Variants in GNAL observed in about 807,000 individuals in gnomAD.
GNAL encodes the protein guanine nucleotide-binding protein G(olf) subunit alpha.
Under a neutral mutation model 55.1 loss-of-function variants are expected in GNAL, and 18 were observed. The observed-to-expected ratio is 0.33, with a 90% CI of 0.23 to 0.48. GNAL has a LOEUF of 0.48. Among genes scored for constraint, GNAL ranks in the 20% least tolerant of loss-of-function variants. GNAL has a pLI of 0.99. For synonymous variants in GNAL, 253 were observed against 237.0 expected (o/e 1.07, Z -0.62); for missense variants, 412 against 614.1 (o/e 0.67, Z 3.48).
In GNAL at chr18:11,867,158, T is replaced by C; in HGVS notation, c.852-10T>C. On this transcript the variant is annotated splice_polypyrimidine_tract_variant and intron_variant, in intron 7 of 11. Transcript: ENST00000334049. Reference sequence around the variant, plus strand: ...CCCCAAATAATTGTGTTCCTCTTGCTCTTCCACAGCATGTTTGATGTTGGT... The same window carrying C: ...CCCCAAATAATTGTGTTCCTCTTGCCCTTCCACAGCATGTTTGATGTTGGT... 1 of 1,604,146 alleles carries C rather than the reference T, an allele frequency of 6.2e-7. No individual in the cohort carries two copies. The highest frequency in any genetic ancestry group is 1.7e-5 in the Admixed American group (1 of 59,992).
intron 1 of GNAL, among the ~76,000 whole-genome samples, chr18:11,711,987 G>A (rs749900424): frequency 1.2e-4 from 19 of 152,172 alleles, no homozygotes; most frequent in Non-Finnish European, 2.6e-4. Flanking sequence ...TTTTTCAGGA[G>A]CCCATAATCT....
At chr18:11,785,581 A>G (rs2034033766) in intron 4 of GNAL, among the ~76,000 whole-genome samples, 1 of 152,226 alleles carries the variant, frequency 6.6e-6, no homozygotes. Flanking sequence ...ACAGCACTCC[A>G]TCCAGCCTTT....
chr18:11,783,148 C>T (rs149311619), intron 4 of GNAL, among the ~76,000 whole-genome samples: 2 of 152,254 alleles, frequency 1.3e-5, no homozygotes, highest in African/African-American at 4.8e-5. Flanking sequence ...ATTACTTTTT[C>T]GTTCTGTATA....
rs2036281840 is a variant in GNAL, at chr18:11,867,150, C to T, written c.852-18C>T. 6.3e-7 allele frequency: 1 copy of T among 1,596,062 alleles called. No homozygotes were observed. Among genetic ancestry groups the T allele is most frequent in the Non-Finnish European group, 8.6e-7 (1 of 1,163,610 alleles). ...CCTGCTTCCCCCAAATAATTGTGTTCCTCTTGCTCTTCCACAGCATGTTTG... is the reference window on the plus strand; with the variant it reads ...CCTGCTTCCCCCAAATAATTGTGTTTCTCTTGCTCTTCCACAGCATGTTTG... On this transcript the variant is annotated intron_variant, in intron 7 of 11. Transcript: ENST00000334049.
chr18:11,699,904 A>G (rs1423202656), intron 1 of GNAL, among the ~76,000 whole-genome samples: 8 of 152,058 alleles, frequency 5.3e-5, no homozygotes, highest in Admixed American at 4.6e-4. Context: ...GCCGTACTCT[A>G]TGAGGGATGT....
chr18:11,872,411 A>G lies in GNAL; in HGVS notation c.1162+13A>G. On this transcript the variant is annotated intron_variant, in intron 10 of 11. Transcript: ENST00000334049. ...GTTCCTGAAGACGGTAAGATTTCAA[A>G]ACACATTCTTATGATTGAGGAATAG... The G allele has an allele frequency of 6.6e-7, 1 of 1,508,048 alleles. No individual in the cohort carries two copies. Among genetic ancestry groups the G allele is most frequent in the Non-Finnish European group, 9.0e-7 (1 of 1,107,494 alleles). 93.4% of individuals were successfully genotyped at this position (1,508,048 alleles called of 1,614,324 possible). A position where few individuals can be genotyped will look rare whatever the true frequency, so the allele number is the denominator to read the frequency against.
chr18:11,802,988 A>G (rs1415411360), intron 4 of GNAL, among the ~76,000 whole-genome samples: 3 of 152,150 alleles, frequency 2.0e-5, no homozygotes, highest in African/African-American at 7.2e-5. Flanking sequence ...GGGAGGTCAG[A>G]TGACGAGAGG....
chr18:11,851,537 T>C (rs1360455718), intron 5 of GNAL: 1 of 1,604,010 alleles, frequency 6.2e-7, no homozygotes, highest in East Asian at 2.2e-5. Context: ...AAACACCTGT[T>C]CAACCTGAAG....
chr18:11,833,455 T>C (rs559857936), intron 5 of GNAL: 298 of 152,370 alleles, frequency 2.0e-3, no homozygotes, highest in African/African-American at 6.9e-3. Context: ...ACCAGATGTC[T>C]CTGTGTGTGG....
intron 5 of GNAL, chr18:11,857,630 G>GA: frequency 1.0e-6 from 1 of 985,482 alleles, no homozygotes; most frequent in South Asian, 4.7e-5. Context: ...GAGTCACCAT[G>GA]AATCACTGAT....
At chr18:11,706,377 T>C (rs917775861) in intron 1 of GNAL, among the ~76,000 whole-genome samples, 2 of 152,208 alleles carry the variant, frequency 1.3e-5, no homozygotes, top group Non-Finnish European at 2.9e-5. Flanking sequence ...CTAACGATCA[T>C]CTGAGCCTTC....
intron 1 of GNAL, among the ~76,000 whole-genome samples, chr18:11,713,277 GC>G: frequency 6.6e-6 from 1 of 152,336 alleles, no homozygotes; most frequent in Non-Finnish European, 1.5e-5. Context: ...GAGTGGGAAA[GC>G]TTTTTAGTGG....
At chr18:11,830,282 C>CT (rs71172023) in intron 5 of GNAL, among the ~76,000 whole-genome samples, 5,674 of 99,182 alleles carry the variant, frequency 0.057, 473 homozygotes, top group South Asian at 0.082. Flanking sequence ...AGAATTGCAT[C>CT]TTTTTTTTTT....
chr18:11,734,580 G>C (rs1480551248), intron 1 of GNAL, among the ~76,000 whole-genome samples: 2 of 151,626 alleles, frequency 1.3e-5, no homozygotes, highest in African/African-American at 4.9e-5. Context: ...TGAGAGATTA[G>C]CAATAGCTTG....
intron 4 of GNAL, among the ~76,000 whole-genome samples, chr18:11,806,181 T>A (rs1029614222): frequency 1.3e-5 from 2 of 152,218 alleles, no homozygotes; most frequent in African/African-American, 4.8e-5. Flanking sequence ...ATTTGCCCAC[T>A]TTTTAATGGG....
At chr18:11,857,819 C>G in intron 5 of GNAL, 8 of 765,326 alleles carry the variant, frequency 1.0e-5, no homozygotes, top group Non-Finnish European at 1.3e-5. Context: ...GTACGAACTC[C>G]TGGGCTCCAG....
intron 10 of GNAL, among the ~76,000 whole-genome samples, chr18:11,875,969 A>G (rs1022343089): frequency 5.3e-5 from 8 of 151,892 alleles, no homozygotes; most frequent in Non-Finnish European, 1.0e-4. Flanking sequence ...GGTCTCTCTC[A>G]GGCCTCTTAC....
chr18:11,800,348 G>T (rs771948933), intron 4 of GNAL, among the ~76,000 whole-genome samples: 1 of 152,166 alleles, frequency 6.6e-6, no homozygotes, highest in South Asian at 2.1e-4. Context: ...AGGGTCTTGT[G>T]GGGGTAACAT....
intron 5 of GNAL, chr18:11,853,233 C>T: frequency 6.0e-6 from 1 of 167,196 alleles, no homozygotes. Context: ...TTTATGTATA[C>T]ATCCAGCCAG....
Sources: gnomAD v4.1 joint callset for allele counts (sites outside exome capture counted in the v4.1 genomes callset) on GRCh38, gnomAD v4.1.1 for gene constraint, MANE v1.5 for transcripts, NCBI Gene and HGNC (gene_info 2026-07-23, HGNC 2026-07-21) for gene names.